IGSF5: variants seen among roughly 807,000 people sequenced by gnomAD.
IGSF5 encodes the protein immunoglobulin superfamily member 5.
A neutral mutation model predicts 39.4 loss-of-function variants in IGSF5; 41 were observed. The observed-to-expected ratio is 1.04, with a 90% CI of 0.81 to 1.35. The LOEUF is 1.35. Ranked by LOEUF, IGSF5 falls within the 40% of genes most tolerant of loss-of-function variation. The probability of loss-of-function intolerance (pLI) is 0.00; values close to 1 mark genes in which losing one functional copy is unlikely to be tolerated. For missense variants in IGSF5, 487 were observed against 494.6 expected (o/e 0.98, Z 0.15); for synonymous variants, 183 against 175.3 (o/e 1.04, Z -0.34).
Position 39,754,168 on chromosome 21 carries a change from T to C in IGSF5, c.100+7870T>C, listed in dbSNP as rs148393978. On this transcript the variant is annotated intron_variant, in intron 2 of 8. Coordinates refer to ENST00000380588, the MANE Select transcript of IGSF5 (RefSeq NM_001080444.2). Reference sequence around the variant, plus strand: ...AAGATTTAGAACTCCTTTTAGCATTTCTTGTAGTGCTGGTTTGGTAGTGGC... The same window carrying C: ...AAGATTTAGAACTCCTTTTAGCATTCCTTGTAGTGCTGGTTTGGTAGTGGC... Among the ~76,000 whole-genome samples the C allele has an allele frequency of 8.1e-3, 1,232 of 152,370 alleles. 8 individuals carry two copies. Among genetic ancestry groups the C allele is most frequent in the Non-Finnish European group, 0.011 (734 of 68,036 alleles).
chr21:39,738,817 T>C, the IGSF5 span, among the ~76,000 whole-genome samples: 1 of 151,898 alleles, frequency 6.6e-6, no homozygotes. The surrounding 1 kb of genome is among the most constrained non-coding windows in gnomAD (Gnocchi z 6.4). Flanking sequence ...ATCTCCCTCA[T>C]AGGAGGGATG....
At chr21:39,787,055 A>G (rs2086926231) in intron 5 of IGSF5, among the ~76,000 whole-genome samples, 1 of 152,182 alleles carries the variant, frequency 6.6e-6, no homozygotes, top group South Asian at 2.1e-4. Context: ...ACATGTATAC[A>G]TATGTAACTA....
the IGSF5 span, among the ~76,000 whole-genome samples, chr21:39,734,473 C>T: frequency 2.0e-5 from 3 of 150,038 alleles, no homozygotes; most frequent in Non-Finnish European, 1.5e-5. Flanking sequence ...CACACACACA[C>T]ACTCATTACT....
chr21:39,758,132 A>T lies in IGSF5; in HGVS notation c.101-7403A>T, dbSNP rs546722623. Among the ~76,000 whole-genome samples, 13 of 152,222 alleles carry T rather than the reference A, an allele frequency of 8.5e-5. No homozygotes were observed. In the South Asian group the frequency reaches 2.5e-3, roughly 29 times the overall value. On this transcript the variant is annotated intron_variant, in intron 2 of 8. Transcript: ENST00000380588. ...GTGCTGGTCGTCCTGGCACGTAGGG[A>T]TCGCCTGAGCTTGGTGGGCTGTTCA... is the stretch of plus-strand genomic sequence containing the variant.
At chr21:39,757,711 G>A (rs2080038597) in intron 2 of IGSF5, among the ~76,000 whole-genome samples, 1 of 151,884 alleles carries the variant, frequency 6.6e-6, no homozygotes, top group Non-Finnish European at 1.5e-5. Context: ...TGAGTACCTG[G>A]GATTACAGGT....
At chr21:39,783,191 G>A (rs1393781706) in intron 5 of IGSF5, among the ~76,000 whole-genome samples, 1 of 152,172 alleles carries the variant, frequency 6.6e-6, no homozygotes, top group East Asian at 1.9e-4. Context: ...ATGTGGGGGT[G>A]CAGATATCTC....
In IGSF5 at chr21:39,792,076, A is replaced by G. The variant is rs778307567; in HGVS notation, c.1025A>G (p.Asn342Ser). The G allele has an allele frequency of 2.5e-6, 4 of 1,610,374 alleles. No individual in the cohort carries two copies. Among genetic ancestry groups the G allele is most frequent in the Non-Finnish European group, 3.4e-6 (4 of 1,178,054 alleles). ...TESGNENSGY[N>S]SDEQKTTDTA... Reference sequence around the variant, plus strand: ...AGTGGAAATGAAAACTCCGGCTACAATTCAGATGAACAAAAGACCACAGGT... The same window carrying G: ...AGTGGAAATGAAAACTCCGGCTACAGTTCAGATGAACAAAAGACCACAGGT... The change falls in exon 7 of 9, where the codon AAT (asparagine) becomes AGT (serine). Residue 342 changes from asparagine (N) to serine (S), a missense_variant. Asn to Ser is a conservative substitution (Grantham distance 46). Transcript: ENST00000380588.
chr21:39,726,138 G>A, the IGSF5 span: 2 of 152,274 alleles, frequency 1.3e-5, no homozygotes, highest in Admixed American at 6.5e-5. Context: ...TTAACTGTGT[G>A]TGGGTCTATG....
the IGSF5 span, among the ~76,000 whole-genome samples, chr21:39,717,295 A>T: frequency 6.6e-5 from 10 of 152,180 alleles, no homozygotes; most frequent in African/African-American, 1.9e-4. Flanking sequence ...TGCAGGCTGT[A>T]TGTTTACTCT....
chr21:39,784,241 C>A (rs1212647479), intron 5 of IGSF5, among the ~76,000 whole-genome samples: 3 of 152,156 alleles, frequency 2.0e-5, no homozygotes, highest in Non-Finnish European at 4.4e-5. Flanking sequence ...TAAAGGAAAA[C>A]CACTAAATGA....
chr21:39,772,752 A>G (rs2080121369), intron 4 of IGSF5, among the ~76,000 whole-genome samples: 1 of 152,184 alleles, frequency 6.6e-6, no homozygotes, highest in African/African-American at 2.4e-5. Flanking sequence ...ATTTTTCATC[A>G]TACTTTGACT....
intron 2 of IGSF5, among the ~76,000 whole-genome samples, chr21:39,747,584 T>C (rs987411348): frequency 4.6e-5 from 7 of 152,254 alleles, no homozygotes; most frequent in African/African-American, 1.7e-4. Flanking sequence ...ATAAGGATGA[T>C]GAAAATTCAT....
At chr21:39,794,342 G>T (rs1186919821) in intron 8 of IGSF5, among the ~76,000 whole-genome samples, 1 of 152,156 alleles carries the variant, frequency 6.6e-6, no homozygotes, top group African/African-American at 2.4e-5. Flanking sequence ...GATGCTGAAG[G>T]TGTAGTTAAA....
At position 39,765,547 on chromosome 21, in the gene IGSF5, G is replaced by A. The variant is rs76090855; in HGVS notation, c.113G>A (p.Gly38Asp). The part of the protein sequence containing the change: ...QTAVVDGSGS[G>D]NEVIEGPQNA... ...GGCTACCTTCCAGGTTCTGGGTCTG[G>A]TAATGAAGTCATAGAAGGCCCCCAA... The change falls in exon 3 of 9, where the codon GGT (glycine) becomes GAT (aspartate). Residue 38 changes from glycine to aspartate, a missense_variant. Transcript: ENST00000380588. 1 of 1,613,176 alleles carries A rather than the reference G, an allele frequency of 6.2e-7. No homozygotes were observed. Among genetic ancestry groups the A allele is most frequent in the East Asian group, 2.2e-5 (1 of 44,830 alleles).
At chr21:39,736,278 G>T in the IGSF5 span, among the ~76,000 whole-genome samples, 1 of 152,096 alleles carries the variant, frequency 6.6e-6, no homozygotes, top group Non-Finnish European at 1.5e-5. Context: ...TCCATCAACA[G>T]TTCCTTCAGG....
chr21:39,800,481 G>A (rs1209558254), intron 8 of IGSF5, among the ~76,000 whole-genome samples: 1 of 152,226 alleles, frequency 6.6e-6, no homozygotes, highest in African/African-American at 2.4e-5. Context: ...GAAGGCACAT[G>A]TCTTAAAGCA....
At chr21:39,767,720 A>G (rs1487599342) in intron 3 of IGSF5, among the ~76,000 whole-genome samples, 3 of 152,228 alleles carry the variant, frequency 2.0e-5, no homozygotes, top group African/African-American at 7.2e-5. Context: ...TGGATAATGC[A>G]AGTTGCACAA....
chr21:39,774,142 T>C (rs2837204), intron 4 of IGSF5, among the ~76,000 whole-genome samples: 22,524 of 152,226 alleles, frequency 0.15, 2,216 homozygotes, highest in African/African-American at 0.28. Context: ...TCTAAATTAT[T>C]CATCAAGATC....
At chr21:39,800,350 C>A (rs2087021793) in intron 8 of IGSF5, among the ~76,000 whole-genome samples, 1 of 152,080 alleles carries the variant, frequency 6.6e-6, no homozygotes, top group African/African-American at 2.4e-5. Context: ...CCACAAATCA[C>A]CCCCTCATTG....
Sources: allele counts gnomAD v4.1 joint callset (sites outside exome capture counted in the v4.1 genomes callset), GRCh38; gene constraint gnomAD v4.1.1; non-coding constraint Gnocchi (gnomAD v3.1); transcripts MANE v1.5; gene names NCBI Gene and HGNC (gene_info 2026-07-23, HGNC 2026-07-21).